Variants in RHOT1 observed in about 807,000 individuals in gnomAD.
The protein encoded by RHOT1 is mitochondrial Rho GTPase 1.
RHOT1 carries 27 observed loss-of-function variants against 95.3 expected under a neutral mutation model. The ratio of observed to expected loss-of-function variants is 0.28; its 90% CI spans 0.21 to 0.39. The LOEUF (loss-of-function observed/expected upper bound fraction) is 0.39, where lower values mean the gene tolerates loss of function less well. Among genes scored for constraint, RHOT1 ranks in the 10% least tolerant of loss-of-function variants. RHOT1 has a pLI of 1.00. For synonymous variants in RHOT1, 227 were observed against 263.5 expected (o/e 0.86, Z 1.34); for missense variants, 578 against 786.7 (o/e 0.73, Z 3.17).
At chr17:32,143,239 T>G (rs985217734) in intron 1 of RHOT1, 1 of 378,242 alleles carries the variant, frequency 2.6e-6, no homozygotes, top group Non-Finnish European at 5.3e-6. Flanking sequence ...CTATTCGACT[T>G]GTGGGCAAGG....
At chr17:32,143,009 G>GC (rs149838766) in intron 1 of RHOT1, 153,038 of 706,604 alleles carry the variant, frequency 0.22, 20,237 homozygotes, top group African/African-American at 0.51. Flanking sequence ...GTCCCTATTA[G>GC]CCCTAACCGC....
At position 32,143,202 on chromosome 17, in the gene RHOT1, C is replaced by T. The variant is rs1437962229; in HGVS notation, c.37+473C>T. On this transcript the variant is annotated intron_variant, in intron 1 of 19. Transcript: ENST00000545287. ...AATAGGGATTGCGTGAACCGGCTCC[C>T]GGGGAAGCTGGGGGAGGGGTGCAGA... 3.8e-5 allele frequency: 17 copies of T among 445,432 alleles called. No individual in the cohort carries two copies. In the East Asian group the frequency reaches 1.1e-3, roughly 29 times the overall value. The allele number at this position is 445,432 out of a possible 1,614,324, so 27.6% of individuals were successfully genotyped here.
At chr17:32,179,270 G>T (rs2035350769) in intron 6 of RHOT1, 1 of 150,894 alleles carries the variant, frequency 6.6e-6, no homozygotes, top group African/African-American at 2.5e-5. Flanking sequence ...CGTCTGGGAA[G>T]TGAGGAGCGC....
In RHOT1 at chr17:32,152,423, A is replaced by G. The variant is rs150531432; in HGVS notation, c.37+9694A>G. 3.9e-5 allele frequency among the ~76,000 whole-genome samples: 6 copies of G among 152,336 alleles called. No individual in the cohort carries two copies. In the East Asian group the frequency reaches 1.2e-3, roughly 29 times the overall value. Reference sequence around the variant, plus strand: ...GACATAGGGAGTCCATGGGAAAAGCAGAAGGAGACTGTGACTGGGAAAAAG... The same window carrying G: ...GACATAGGGAGTCCATGGGAAAAGCGGAAGGAGACTGTGACTGGGAAAAAG... On this transcript the variant is annotated intron_variant, in intron 1 of 19. Transcript: ENST00000545287.
chr17:32,142,506 C>CCGCCGCCGCCGCCGCCGCCGCCGCCG lies in RHOT1; in HGVS notation c.-186_-185insGCCGCCGCCGCCGCCGCCGCCGCCGC, dbSNP rs1242718385. On this transcript the variant is annotated 5_prime_UTR_variant, in exon 1 of 20. Transcript: ENST00000545287. ...GCCGCCGCCGCCGCCGCCGCCACAGCCCGCTGGGCCGGAGGAGGCGGAGCT... is the reference window on the plus strand; with the variant it reads ...GCCGCCGCCGCCGCCGCCGCCACAGCCGCCGCCGCCGCCGCCGCCGCCGCCGCCGCTGGGCCGGAGGAGGCGGAGCT... 2.3e-6 allele frequency: 1 copy of CCGCCGCCGCCGCCGCCGCCGCCGCCG among 432,398 alleles called. No homozygotes were observed. The highest frequency in any genetic ancestry group is 3.8e-6 in the Non-Finnish European group (1 of 260,482). 26.8% of individuals were successfully genotyped at this position (432,398 alleles called of 1,614,324 possible).
chr17:32,185,377 T>C (rs1055420896), intron 8 of RHOT1, among the ~76,000 whole-genome samples: 2 of 152,228 alleles, frequency 1.3e-5, no homozygotes. Flanking sequence ...CCCAAAGTGC[T>C]GGAATTATAG....
At chr17:32,175,234 A>G in intron 3 of RHOT1, 85 bp from the exon 4 acceptor site, 1 of 1,107,100 alleles carries the variant, frequency 9.0e-7, no homozygotes, top group Non-Finnish European at 1.4e-6. Flanking sequence ...GGGATGTTAG[A>G]TGAGTGTTGC....
intron 19 of RHOT1, among the ~76,000 whole-genome samples, chr17:32,218,736 C>T (rs949166054): frequency 3.3e-5 from 5 of 152,018 alleles, no homozygotes; most frequent in African/African-American, 9.7e-5. Flanking sequence ...ATCACCTGAG[C>T]CCAGGAGGTT....
chr17:32,218,082 C>G (rs540549019), intron 19 of RHOT1, among the ~76,000 whole-genome samples: 17 of 151,998 alleles, frequency 1.1e-4, no homozygotes, highest in Non-Finnish European at 2.1e-4. Flanking sequence ...AGGCTGATCT[C>G]GAACTCCTAA....
chr17:32,219,237 A>T (rs1860642418), intron 19 of RHOT1, among the ~76,000 whole-genome samples: 3 of 152,276 alleles, frequency 2.0e-5, no homozygotes, highest in South Asian at 4.1e-4. Context: ...TTTTCTACTG[A>T]ACTTTTCTTT....
rs1438164461 is a variant in RHOT1, at chr17:32,183,196, T to C, written c.464T>C (p.Ile155Thr). The C allele has an allele frequency of 1.3e-6, 2 of 1,578,414 alleles. No homozygotes were observed. The highest frequency in any genetic ancestry group is 1.7e-6 in the Non-Finnish European group (2 of 1,157,826). The part of the protein sequence containing the change: ...VECSAKNLKN[I>T]SELFYYAQKA... ...TGTTCAGCGAAAAACCTGAAGAACA[T>C]ATCAGAGCTCTTTTATTACGCACAG... Residue 155 changes from isoleucine (I) to threonine (T), a missense_variant, in exon 8 of 20, where the codon ATA becomes ACA. This residue lies in a region of RHOT1 where 227 missense variants were observed against 316.0 expected (regional missense o/e 0.72). Transcript: ENST00000545287.
intron 1 of RHOT1, chr17:32,151,158 G>A (rs2032239364): frequency 1.3e-6 from 1 of 795,586 alleles, no homozygotes. Context: ...GACTCTGGTA[G>A]GTTGAGTTTC....
chr17:32,202,427 A>G (rs2037393951), intron 14 of RHOT1, among the ~76,000 whole-genome samples: 1 of 152,208 alleles, frequency 6.6e-6, no homozygotes, highest in South Asian at 2.1e-4. Context: ...AAAAAATTAG[A>G]TGGAATATAA....
chr17:32,184,368 A>G (rs956236830), intron 8 of RHOT1, among the ~76,000 whole-genome samples: 4 of 152,202 alleles, frequency 2.6e-5, no homozygotes, highest in African/African-American at 9.6e-5. Flanking sequence ...TCTTTTACTT[A>G]GCGTAATATT....
At chr17:32,162,379 T>C (rs1241618076) in intron 1 of RHOT1, among the ~76,000 whole-genome samples, 1 of 152,222 alleles carries the variant, frequency 6.6e-6, no homozygotes, top group African/African-American at 2.4e-5. Flanking sequence ...CTATGTTATA[T>C]CATTCCCTCC....
At chr17:32,186,974 A>G (rs1196234583) in intron 8 of RHOT1, among the ~76,000 whole-genome samples, 1 of 151,762 alleles carries the variant, frequency 6.6e-6, no homozygotes, top group Non-Finnish European at 1.5e-5. Context: ...TTAAATTATT[A>G]TTAAAGGTAA....
intron 19 of RHOT1, among the ~76,000 whole-genome samples, chr17:32,220,117 T>C (rs1567735554): frequency 6.6e-6 from 1 of 152,164 alleles, no homozygotes; most frequent in Non-Finnish European, 1.5e-5. Context: ...TGGTGGCTTA[T>C]GCCTGTAATC....
intron 1 of RHOT1, among the ~76,000 whole-genome samples, chr17:32,155,909 G>GA (rs1436768720): frequency 6.6e-6 from 1 of 152,140 alleles, no homozygotes; most frequent in Non-Finnish European, 1.5e-5. Flanking sequence ...TATCATAAGT[G>GA]AAGGAGCATC....
rs906879537 is a variant in RHOT1, at chr17:32,207,197, A to T, written c.1536+168A>T. ...GGTTCTGGTTTTGTTCTAAAGTGGTAGAGTCTCAGACATACATATTTCTGA... is the reference window on the plus strand; with the variant it reads ...GGTTCTGGTTTTGTTCTAAAGTGGTTGAGTCTCAGACATACATATTTCTGA... On this transcript the variant is annotated intron_variant, in intron 17 of 19. Transcript: ENST00000545287. 9 of 599,974 alleles carry T rather than the reference A, an allele frequency of 1.5e-5. No homozygotes were observed. The African/African-American group carries it at 1.9e-4, about 13-fold the overall frequency. The allele number at this position is 599,974 out of a possible 1,614,324, so 37.2% of individuals were successfully genotyped here.
Sources: gnomAD v4.1 joint callset for allele counts (sites outside exome capture counted in the v4.1 genomes callset) on GRCh38, gnomAD v4.1.1 for gene constraint, gnomAD v4.1.1 regional missense constraint, MANE v1.5 for transcripts, NCBI Gene and HGNC (gene_info 2026-07-23, HGNC 2026-07-21) for gene names.